The following CDK14 variants were observed in gnomAD, a reference collection of about 807,000 sequenced individuals.
CDK14 encodes cyclin dependent kinase 14.
CDK14 carries 34 observed loss-of-function variants against 60.7 expected under a neutral mutation model. That is an observed-to-expected ratio of 0.56 (90% CI 0.43 to 0.75). CDK14 has a LOEUF of 0.75. Among genes scored for constraint, CDK14 ranks in the 30% least tolerant of loss-of-function variants. The pLI is 0.00. For synonymous variants in CDK14, 197 were observed against 203.7 expected (o/e 0.97, Z 0.28); for missense variants, 482 against 564.1 (o/e 0.85, Z 1.47).
chr7:90,738,924 G>T (rs1320226219), intron 3 of CDK14, among the ~76,000 whole-genome samples: 6 of 151,502 alleles, frequency 4.0e-5, no homozygotes, highest in Admixed American at 2.0e-4. Flanking sequence ...TTGATGGGAA[G>T]AATTTTATTA....
intron 2 of CDK14, among the ~76,000 whole-genome samples, chr7:90,715,359 GT>G (rs1563054676): frequency 1.3e-5 from 2 of 152,018 alleles, no homozygotes; most frequent in Non-Finnish European, 2.9e-5. Context: ...GGTAGAAAGC[GT>G]CCTGGACCAT....
rs571832285 is a variant in CDK14, at chr7:91,131,845, T to C, written c.*28+13637T>C. Among the ~76,000 whole-genome samples, 6 of 152,288 alleles carry C rather than the reference T, an allele frequency of 3.9e-5. No individual in the cohort carries two copies. In the East Asian group the frequency reaches 1.2e-3, roughly 29 times the overall value. On this transcript the variant is annotated intron_variant, in intron 14 of 14. Coordinates refer to ENST00000380050, the MANE Select transcript of CDK14 (RefSeq NM_001287135.2). The stretch of plus-strand genomic sequence containing the variant: ...CTAAATATCAGAATACAGGAACTCG[T>C]TTACGGTTTTATCCTCATTTTACCA...
intron 2 of CDK14, chr7:90,716,232 T>C (rs1802245294): frequency 6.6e-6 from 1 of 152,050 alleles, no homozygotes; most frequent in South Asian, 2.1e-4. Context: ...TGTTCAGTTA[T>C]GCCATTTGGG....
chr7:91,094,777 T>C (rs1161088572), intron 12 of CDK14, among the ~76,000 whole-genome samples: 1 of 152,126 alleles, frequency 6.6e-6, no homozygotes, highest in Non-Finnish European at 1.5e-5. Context: ...TTTAATGCAA[T>C]ATTTCAAAAA....
intron 7 of CDK14, among the ~76,000 whole-genome samples, chr7:90,916,795 G>A (rs1199457224): frequency 1.3e-5 from 2 of 152,184 alleles, no homozygotes; most frequent in African/African-American, 2.4e-5. Flanking sequence ...ATATTGGGAA[G>A]CCTAGTGAAT....
intron 8 of CDK14, among the ~76,000 whole-genome samples, chr7:90,928,879 A>G (rs1293229068): frequency 6.6e-6 from 1 of 152,066 alleles, no homozygotes; most frequent in Non-Finnish European, 1.5e-5. Flanking sequence ...ACCCAGTTTG[A>G]GCTTCCTGGC....
At chr7:90,661,513 G>A (rs1800865839) in intron 2 of CDK14, among the ~76,000 whole-genome samples, 2 of 152,118 alleles carry the variant, frequency 1.3e-5, no homozygotes, top group South Asian at 4.2e-4. Flanking sequence ...GCAGTGACTG[G>A]GTATGGTCTT....
At chr7:90,934,313 T>A (rs1793687603) in intron 8 of CDK14, among the ~76,000 whole-genome samples, 1 of 152,254 alleles carries the variant, frequency 6.6e-6, no homozygotes, top group Non-Finnish European at 1.5e-5. Flanking sequence ...ATGTACAGTT[T>A]GCCATGTACA....
intron 7 of CDK14, among the ~76,000 whole-genome samples, chr7:90,910,428 A>G (rs984017639): frequency 9.2e-5 from 14 of 152,182 alleles, no homozygotes; most frequent in African/African-American, 3.4e-4. Flanking sequence ...TTGACTGCAT[A>G]TAATTGGGAT....
At chr7:90,764,067 A>G (rs1478016287) in intron 4 of CDK14, among the ~76,000 whole-genome samples, 1 of 152,192 alleles carries the variant, frequency 6.6e-6, no homozygotes, top group Non-Finnish European at 1.5e-5. Context: ...GTGGGATCCA[A>G]CTGAGTATTT....
At chr7:90,701,183 C>A (rs1232921674) in intron 2 of CDK14, among the ~76,000 whole-genome samples, 3 of 152,128 alleles carry the variant, frequency 2.0e-5, no homozygotes, top group Non-Finnish European at 2.9e-5. Flanking sequence ...CATTTTTTAT[C>A]ACATTTCTTA....
intron 14 of CDK14, among the ~76,000 whole-genome samples, chr7:91,200,379 T>C (rs774486911): frequency 6.6e-6 from 1 of 152,234 alleles, no homozygotes. Flanking sequence ...TTCTCTATAA[T>C]AGGAAATGCT....
chr7:90,811,533 A>T (rs907893160), intron 5 of CDK14, among the ~76,000 whole-genome samples: 14 of 152,200 alleles, frequency 9.2e-5, no homozygotes, highest in South Asian at 8.3e-4. Flanking sequence ...AACCTAGGCA[A>T]TACCATTCAG....
At chr7:90,740,274 G>GAA (rs949225872) in intron 3 of CDK14, among the ~76,000 whole-genome samples, 1 of 122,008 alleles carries the variant, frequency 8.2e-6, no homozygotes, top group African/African-American at 2.6e-5. Context: ...TATATATAGA[G>GAA]AGAGAGAGAG....
chr7:90,985,846 A>G (rs964049120), intron 10 of CDK14, among the ~76,000 whole-genome samples: 10 of 152,186 alleles, frequency 6.6e-5, no homozygotes, highest in Admixed American at 6.5e-5. Flanking sequence ...TTCAGAAACC[A>G]TCTGTATCCA....
chr7:91,018,937 T>C (rs947366217), intron 10 of CDK14, among the ~76,000 whole-genome samples: 1 of 152,156 alleles, frequency 6.6e-6, no homozygotes, highest in African/African-American at 2.4e-5. Flanking sequence ...ATCCCATTCC[T>C]GAGGACTCCA....
chr7:90,652,413 A>C lies in CDK14; in HGVS notation c.123+48164A>C, dbSNP rs185106599. ...GTTAATAAATTCGTTACGCCTTTCT[A>C]CTTTTATTAGAGGAGTTACTTTGTT... On this transcript the variant is annotated intron_variant, in intron 2 of 14. Transcript: ENST00000380050. Among the ~76,000 whole-genome samples the C allele has an allele frequency of 1.7e-3, 264 of 152,284 alleles. 1 individual carries two copies. The highest frequency in any genetic ancestry group is 2.1e-3 in the Non-Finnish European group (146 of 68,008).
chr7:90,714,886 G>A (rs1802191507), intron 2 of CDK14, among the ~76,000 whole-genome samples: 2 of 152,164 alleles, frequency 1.3e-5, no homozygotes, highest in South Asian at 4.1e-4. Context: ...GGAGATGTAT[G>A]TTGTATTTAT....
At chr7:91,021,176 T>C (rs1309582874) in intron 10 of CDK14, among the ~76,000 whole-genome samples, 6 of 152,210 alleles carry the variant, frequency 3.9e-5, no homozygotes, top group Admixed American at 3.9e-4. Flanking sequence ...ACCATTGCCA[T>C]ATACTATCAA....
Sources: allele counts gnomAD v4.1 joint callset (sites outside exome capture counted in the v4.1 genomes callset), GRCh38; gene constraint gnomAD v4.1.1; transcripts MANE v1.5; gene names NCBI Gene and HGNC (gene_info 2026-07-23, HGNC 2026-07-21).